The following PCSK5 variants were observed in gnomAD, a reference collection of about 807,000 sequenced individuals.
The protein encoded by PCSK5 is proprotein convertase subtilisin/kexin type 5.
In PCSK5, 129 loss-of-function variants were observed where a neutral mutation model predicts 233.2. That is an observed-to-expected ratio of 0.55 (90% CI 0.48 to 0.64). The LOEUF (loss-of-function observed/expected upper bound fraction) is 0.64, where lower values mean the gene tolerates loss of function less well. Ranked by LOEUF, PCSK5 falls within the 30% of genes least tolerant of loss-of-function variation. The probability of loss-of-function intolerance (pLI) is 0.00; values close to 1 mark genes in which losing one functional copy is unlikely to be tolerated. For synonymous variants in PCSK5, 825 were observed against 879.2 expected, an observed-to-expected ratio of 0.94 and a Z score of 1.09; for missense variants, 2,076 against 2,430.1, an observed-to-expected ratio of 0.85 and a Z score of 3.06.
Position 75,894,859 on chromosome 9 carries a change from T to C in PCSK5, c.192+3486T>C, listed in dbSNP as rs1378734996. Among the ~76,000 whole-genome samples, 3 of 152,294 alleles carry C rather than the reference T, an allele frequency of 2.0e-5. No individual in the cohort carries two copies. In the East Asian group the frequency reaches 5.8e-4, roughly 29 times the overall value. On this transcript the variant is annotated intron_variant, in intron 1 of 37. Coordinates refer to ENST00000674117, the MANE Select transcript of PCSK5 (RefSeq NM_001372043.1). Reference sequence around the variant, plus strand: ...TACTGGTTAGGCAATTGAAATGATATAAAGGAATAAGACCTGACATGTTGT... The same window carrying C: ...TACTGGTTAGGCAATTGAAATGATACAAAGGAATAAGACCTGACATGTTGT...
chr9:76,270,148 A>G (rs1587821876), intron 24 of PCSK5, among the ~76,000 whole-genome samples: 1 of 152,168 alleles, frequency 6.6e-6, no homozygotes, highest in African/African-American at 2.4e-5. Context: ...TGAACCAGCA[A>G]TTCGGGCAAA....
chr9:76,030,173 A>T, intron 5 of PCSK5, among the ~76,000 whole-genome samples: 1 of 152,046 alleles, frequency 6.6e-6, no homozygotes, highest in East Asian at 1.9e-4. Context: ...AAATCTAAAA[A>T]GTTTACTTCA....
chr9:76,293,368 CT>C (rs1221356406), intron 25 of PCSK5, among the ~76,000 whole-genome samples: 1 of 152,228 alleles, frequency 6.6e-6, no homozygotes, highest in Non-Finnish European at 1.5e-5. Context: ...TTTAATCTAA[CT>C]TTTCCAGAAT....
Position 76,169,827 on chromosome 9 carries a change from C to T in PCSK5, c.1743C>T (p.Asn581=), listed in dbSNP as rs1182301713. The T allele has an allele frequency of 6.2e-7, 1 of 1,613,326 alleles. No homozygotes were observed. Among genetic ancestry groups the T allele is most frequent in the South Asian group, 1.1e-5 (1 of 91,052 alleles). ...ATGATACTCCCTCTCAGCTAAGGAA[C>T]TTTAAGACTCCAGGTGAGAACTCCC... ...EVYDTPSQLR[N]FKTPGKLKEW... is the part of the protein sequence containing the mutation. The change falls in exon 13 of 38, where the codon AAC becomes AAT. Residue 581 remains asparagine (N), a synonymous_variant. Transcript: ENST00000674117.
At chr9:75,958,889 C>A (rs1438472165) in intron 2 of PCSK5, among the ~76,000 whole-genome samples, 1 of 152,222 alleles carries the variant, frequency 6.6e-6, no homozygotes, top group Non-Finnish European at 1.5e-5. Context: ...CACTACACAT[C>A]CCCTGTGTCG....
At chr9:76,219,755 G>A (rs1034774127) in intron 20 of PCSK5, among the ~76,000 whole-genome samples, 4 of 152,152 alleles carry the variant, frequency 2.6e-5, no homozygotes, top group South Asian at 2.1e-4. Flanking sequence ...CCTTTCTCCC[G>A]GCCCTCAGCC....
At chr9:76,039,209 G>C (rs1044468838) in intron 5 of PCSK5, among the ~76,000 whole-genome samples, 1 of 152,118 alleles carries the variant, frequency 6.6e-6, no homozygotes, top group African/African-American at 2.4e-5. Flanking sequence ...GCTTCAGTTA[G>C]AATCCGCACT....
intron 20 of PCSK5, chr9:76,193,407 T>G: frequency 1.6e-6 from 1 of 608,306 alleles, no homozygotes; most frequent in Non-Finnish European, 2.1e-6. Context: ...TCCATATTAT[T>G]AAAAAGAAAA....
intron 11 of PCSK5, 90 bp from the exon 12 acceptor site, chr9:76,158,893 T>G: frequency 9.3e-7 from 1 of 1,069,532 alleles, no homozygotes; most frequent in Non-Finnish European, 1.4e-6. Context: ...CTGCTTATCT[T>G]ACATTGTGTA....
chr9:76,294,661 G>A (rs1828381229), intron 25 of PCSK5, among the ~76,000 whole-genome samples: 1 of 152,010 alleles, frequency 6.6e-6, no homozygotes, highest in Admixed American at 6.6e-5. Flanking sequence ...TACGAGATTT[G>A]TGGAGATTTA....
At chr9:76,307,854 C>T (rs1828749152) in intron 28 of PCSK5, among the ~76,000 whole-genome samples, 1 of 151,948 alleles carries the variant, frequency 6.6e-6, no homozygotes, top group South Asian at 2.1e-4. Flanking sequence ...AAAAGAAGTT[C>T]CTCCACGAGA....
chr9:76,359,195 A>G lies in PCSK5; in HGVS notation c.*273A>G, dbSNP rs187536151. 448 of 409,904 alleles carry G rather than the reference A, an allele frequency of 1.1e-3. 1 individual carries two copies. The highest frequency in any genetic ancestry group is 7.7e-3 in the African/African-American group (393 of 51,156). 25.4% of individuals were successfully genotyped at this position (409,904 alleles called of 1,614,324 possible). ...TCAAAATAATGTGTTAAGACACAAA[A>G]ATGAAGGAAGTGAAAACAAATGAGA... is the stretch of plus-strand genomic sequence containing the variant. On this transcript the variant is annotated 3_prime_UTR_variant, in exon 38 of 38. Transcript: ENST00000674117.
Position 76,349,176 on chromosome 9 carries a change from A to G in PCSK5, c.4967-1652A>G, listed in dbSNP as rs537991582. Among the ~76,000 whole-genome samples the G allele has an allele frequency of 5.3e-5, 8 of 151,106 alleles. No homozygotes were observed. The South Asian group carries it at 1.5e-3, about 28-fold the overall frequency. On this transcript the variant is annotated intron_variant, in intron 35 of 37. Coordinates refer to ENST00000674117, the MANE Select transcript of PCSK5 (RefSeq NM_001372043.1). ...GTAGTCCCAGCTACTCAGGAGGCTA[A>G]GGCAGGAGAATGGCGTCAACCCAGG...
intron 26 of PCSK5, 23 bp from the exon 27 acceptor site, chr9:76,296,642 T>C (rs1341662030): frequency 6.4e-7 from 1 of 1,557,406 alleles, no homozygotes; most frequent in Non-Finnish European, 8.8e-7. Flanking sequence ...GCCTTCATGC[T>C]TTCTCTCTGT....
rs777426410 is a variant in PCSK5 at position 76,360,090 on chromosome 9, CA to C, written c.*1172del. 1.3e-5 allele frequency: 2 copies of C among 152,142 alleles called. No individual in the cohort carries two copies. The highest frequency in any genetic ancestry group is 2.4e-5 in the African/African-American group (1 of 41,428). The allele number at this position is 152,142 out of a possible 1,614,324, so 9.4% of individuals were successfully genotyped here. A position where few individuals can be genotyped will look rare whatever the true frequency, so the allele number is the denominator to read the frequency against. On this transcript the variant is annotated 3_prime_UTR_variant, in exon 38 of 38. Transcript: ENST00000674117. ...AACACAGAGAAGGGCTCTTGCTATG[CA>C]AAATGATGTTGGCAGGGTCTTACAG...
chr9:76,243,064 C>G (rs1232015802), intron 24 of PCSK5, among the ~76,000 whole-genome samples: 1 of 152,164 alleles, frequency 6.6e-6, no homozygotes, highest in Non-Finnish European at 1.5e-5. Context: ...ACTTAGCTGA[C>G]CCAGCTAAAG....
chr9:76,352,663 C>T (rs1271418827), intron 36 of PCSK5, among the ~76,000 whole-genome samples: 3 of 152,008 alleles, frequency 2.0e-5, no homozygotes, highest in East Asian at 1.9e-4. Context: ...CCACTGCGCC[C>T]GGCAAGACCA....
chr9:76,255,075 C>T (rs1179973436), intron 24 of PCSK5, among the ~76,000 whole-genome samples: 1 of 151,970 alleles, frequency 6.6e-6, no homozygotes, highest in Non-Finnish European at 1.5e-5. Flanking sequence ...TCACTTGAGG[C>T]CAGGAGTTTG....
chr9:76,314,620 C>T (rs181651432), intron 30 of PCSK5, among the ~76,000 whole-genome samples: 73 of 151,998 alleles, frequency 4.8e-4, no homozygotes, highest in African/African-American at 1.2e-4. Context: ...AAATATAGTA[C>T]ATGTTCATGA....
Sources: allele counts gnomAD v4.1 joint callset (sites outside exome capture counted in the v4.1 genomes callset), GRCh38; gene constraint gnomAD v4.1.1; transcripts MANE v1.5; gene names NCBI Gene and HGNC (gene_info 2026-07-23, HGNC 2026-07-21).